METTL15: variants seen among roughly 807,000 people sequenced by gnomAD.
METTL15 encodes 12S rRNA N(4)-cytidine methyltransferase METTL15.
A neutral mutation model predicts 38.3 loss-of-function variants in METTL15; 34 were observed. The ratio of observed to expected loss-of-function variants is 0.89; its 90% CI spans 0.68 to 1.18. METTL15 has a LOEUF of 1.18. METTL15 is among the 50% of genes most tolerant of loss of function. The pLI, the probability that METTL15 is intolerant of heterozygous loss-of-function variation, is 0.00. For missense variants in METTL15, 438 were observed against 498.4 expected (o/e 0.88, Z 1.15); for synonymous variants, 162 against 170.9 (o/e 0.95, Z 0.41).
intron 6 of METTL15, among the ~76,000 whole-genome samples, chr11:28,300,086 T>C (rs1856861348): frequency 6.6e-6 from 1 of 152,122 alleles, no homozygotes; most frequent in Non-Finnish European, 1.5e-5. Context: ...ATCACATTTA[T>C]AGGTTCTGGG....
chr11:28,351,684 G>A (rs988871134), intron 3 of METTL15, among the ~76,000 whole-genome samples: 2 of 152,156 alleles, frequency 1.3e-5, no homozygotes, highest in South Asian at 2.1e-4. Flanking sequence ...TAAATTAAGT[G>A]TAAACTTAAG....
chr11:28,298,263 A>G (rs2134004564), intron 6 of METTL15, among the ~76,000 whole-genome samples: 1 of 152,210 alleles, frequency 6.6e-6, no homozygotes, highest in Admixed American at 6.6e-5. Context: ...TCCTTTCTGT[A>G]ATTATTTAGC....
intron 4 of METTL15, among the ~76,000 whole-genome samples, chr11:28,353,929 C>A (rs1350380028): frequency 2.1e-4 from 23 of 108,430 alleles, no homozygotes; most frequent in Non-Finnish European, 2.5e-4. Context: ...GAGACTCCGT[C>A]TCAAAAAAAA....
intron 6 of METTL15, among the ~76,000 whole-genome samples, chr11:28,317,411 T>C (rs1017460056): frequency 1.3e-5 from 2 of 152,042 alleles, no homozygotes; most frequent in African/African-American, 4.8e-5. Flanking sequence ...CCGAGACTTA[T>C]TAAATGTGAT....
At chr11:28,205,440 C>CT (rs978953803) in intron 3 of METTL15, among the ~76,000 whole-genome samples, 6 of 152,034 alleles carry the variant, frequency 3.9e-5, no homozygotes, top group African/African-American at 1.2e-4. Context: ...ATGAACTCAT[C>CT]TTTTTTTATG....
At chr11:28,301,107 T>A (rs1565236801) in intron 6 of METTL15, among the ~76,000 whole-genome samples, 1 of 152,136 alleles carries the variant, frequency 6.6e-6, no homozygotes, top group Non-Finnish European at 1.5e-5. Flanking sequence ...TGCAACTTCC[T>A]CCATGAACTG....
intron 5 of METTL15, among the ~76,000 whole-genome samples, chr11:28,373,541 C>CA (rs1298541289): frequency 6.6e-6 from 1 of 152,104 alleles, no homozygotes; most frequent in African/African-American, 2.4e-5. Context: ...GAGGAGGTTG[C>CA]AAAAATTTTC....
At chr11:28,410,900 C>G (rs948079446) in intron 5 of METTL15, 1 of 151,888 alleles carries the variant, frequency 6.6e-6, no homozygotes, top group African/African-American at 2.4e-5. Context: ...ACTGTAAGAA[C>G]TAATAAATGA....
At chr11:28,232,677 A>G (rs1363379776) in intron 4 of METTL15, among the ~76,000 whole-genome samples, 3 of 151,978 alleles carry the variant, frequency 2.0e-5, no homozygotes, top group Non-Finnish European at 4.4e-5. Flanking sequence ...CCAGCATAGG[A>G]TTCTCTATAC....
chr11:28,140,638 C>T (rs1849666118), intron 3 of METTL15, among the ~76,000 whole-genome samples: 1 of 152,162 alleles, frequency 6.6e-6, no homozygotes, highest in African/African-American at 2.4e-5. Context: ...GAAGAAATAG[C>T]CATGTGGACA....
At chr11:28,491,770 T>C (rs555614196) in intron 6 of METTL15, among the ~76,000 whole-genome samples, 2 of 152,112 alleles carry the variant, frequency 1.3e-5, no homozygotes, top group Non-Finnish European at 2.9e-5. Flanking sequence ...ACAAATACCT[T>C]TTAAATTATA....
At chr11:28,320,401 A>T (rs1849424866) in intron 6 of METTL15, among the ~76,000 whole-genome samples, 1 of 151,912 alleles carries the variant, frequency 6.6e-6, no homozygotes, top group South Asian at 2.1e-4. Context: ...TCTACACAAA[A>T]ATTTAAAAAT....
At chr11:28,421,808 T>C (rs1237564103) in intron 5 of METTL15, among the ~76,000 whole-genome samples, 1 of 152,044 alleles carries the variant, frequency 6.6e-6, no homozygotes, top group African/African-American at 2.4e-5. Context: ...TCACTACTGT[T>C]ATTCAACATA....
At chr11:28,474,226 A>C (rs930697795) in intron 6 of METTL15, among the ~76,000 whole-genome samples, 3 of 151,720 alleles carry the variant, frequency 2.0e-5, no homozygotes, top group African/African-American at 7.3e-5. Flanking sequence ...AAATATGTCT[A>C]TATAACAGAA....
intron 4 of METTL15, among the ~76,000 whole-genome samples, chr11:28,241,724 A>G (rs1159491449): frequency 6.6e-6 from 1 of 152,124 alleles, no homozygotes; most frequent in East Asian, 1.9e-4. Context: ...ATTCAGGCAA[A>G]GGAAAAGCCA....
At chr11:28,183,131 T>G (rs575849936) in intron 3 of METTL15, among the ~76,000 whole-genome samples, 3 of 152,266 alleles carry the variant, frequency 2.0e-5, no homozygotes, top group Non-Finnish European at 4.4e-5. Context: ...TTGCTGAAGT[T>G]GCTTATCAGT....
chr11:28,182,542 G>A (rs1359588880), intron 3 of METTL15, among the ~76,000 whole-genome samples: 3 of 151,970 alleles, frequency 2.0e-5, no homozygotes, highest in Admixed American at 6.6e-5. Flanking sequence ...TTTTTGTCAG[G>A]TTTGTCAAAG....
At chr11:28,132,960 A>G (rs1285265613) in intron 3 of METTL15, among the ~76,000 whole-genome samples, 1 of 152,206 alleles carries the variant, frequency 6.6e-6, no homozygotes, top group Non-Finnish European at 1.5e-5. Context: ...CTTAGAAGGC[A>G]GTCCAAAAAC....
At chr11:28,306,275 G>GT (rs1857080020) in intron 6 of METTL15, among the ~76,000 whole-genome samples, 1 of 152,066 alleles carries the variant, frequency 6.6e-6, no homozygotes, top group African/African-American at 2.4e-5. Flanking sequence ...TGCTGGCATT[G>GT]TATGTTTGAT....
Sources: gnomAD v4.1 joint callset for allele counts (sites outside exome capture counted in the v4.1 genomes callset) on GRCh38, gnomAD v4.1.1 for gene constraint, MANE v1.5 for transcripts, NCBI Gene and HGNC (gene_info 2026-07-23, HGNC 2026-07-21) for gene names.